Variants in TMCC1 observed in about 807,000 individuals in gnomAD.
TMCC1 encodes transmembrane and coiled-coil domains protein 1.
Under a neutral mutation model 52.4 loss-of-function variants are expected in TMCC1, and 15 were observed. The ratio of observed to expected loss-of-function variants is 0.29; its 90% CI spans 0.19 to 0.44. TMCC1 has a LOEUF of 0.44. Ranked by LOEUF, TMCC1 falls within the 20% of genes least tolerant of loss-of-function variation. TMCC1 has a pLI of 1.00. For missense variants in TMCC1, 503 were observed against 806.0 expected (o/e 0.62, Z 4.55); for synonymous variants, 279 against 301.9 (o/e 0.92, Z 0.79).
rs370431347 is a variant in TMCC1 at position 129,875,490 on chromosome 3, C to CAAAA, written c.-184+4815_-184+4818dup. Among the ~76,000 whole-genome samples the CAAAA allele has an allele frequency of 4.0e-4, 7 of 17,324 alleles. 1 individual carries two copies. The highest frequency in any genetic ancestry group is 8.1e-4 in the African/African-American group (5 of 6,208). 11.4% of individuals were successfully genotyped at this position (17,324 alleles called of 152,430 possible). ...TAGGGGACAGAGGAGGACTCCATCTCAAAAAAAAAAAAAAAAAAAAAAAAA... is the reference window on the plus strand; with the variant it reads ...TAGGGGACAGAGGAGGACTCCATCTCAAAAAAAAAAAAAAAAAAAAAAAAAAAAA... On this transcript the variant is annotated intron_variant, in intron 2 of 6. Coordinates refer to ENST00000393238, the MANE Select transcript of TMCC1 (RefSeq NM_001017395.5).
intron 2 of TMCC1, among the ~76,000 whole-genome samples, chr3:129,867,553 G>C (rs981243632): frequency 6.6e-6 from 1 of 152,112 alleles, no homozygotes; most frequent in African/African-American, 2.4e-5. Flanking sequence ...TTCAGTGATA[G>C]GTTTAAATCT....
chr3:129,834,609 A>G (rs145940507), intron 2 of TMCC1, among the ~76,000 whole-genome samples: 184 of 152,330 alleles, frequency 1.2e-3, no homozygotes, highest in African/African-American at 3.8e-3. Flanking sequence ...TGTAAGATGC[A>G]TGAGAGGAGG....
intron 4 of TMCC1, among the ~76,000 whole-genome samples, chr3:129,730,551 A>G (rs2050458932): frequency 6.6e-6 from 1 of 152,198 alleles, no homozygotes; most frequent in African/African-American, 2.4e-5. Flanking sequence ...CATCTTGGTT[A>G]CTGTAGCTTT....
At chr3:129,705,605 C>CTTT (rs1277305226) in intron 4 of TMCC1, among the ~76,000 whole-genome samples, 4 of 138,834 alleles carry the variant, frequency 2.9e-5, no homozygotes, top group Non-Finnish European at 4.7e-5. Context: ...ATTTGAAACA[C>CTTT]TTTTTTTTTT....
chr3:129,862,409 G>A (rs1347156369), intron 2 of TMCC1, among the ~76,000 whole-genome samples: 1 of 152,178 alleles, frequency 6.6e-6, no homozygotes, highest in East Asian at 1.9e-4. Context: ...AATGTTAATA[G>A]GAGAAATGGG....
At chr3:129,712,896 A>T (rs1050483538) in intron 4 of TMCC1, among the ~76,000 whole-genome samples, 10 of 152,162 alleles carry the variant, frequency 6.6e-5, no homozygotes, top group Non-Finnish European at 1.2e-4. Context: ...TTAACTGAAC[A>T]TATCTAATTG....
At chr3:129,661,583 T>C (rs1056890445) in intron 5 of TMCC1, among the ~76,000 whole-genome samples, 1 of 152,190 alleles carries the variant, frequency 6.6e-6, no homozygotes, top group Non-Finnish European at 1.5e-5. Flanking sequence ...GCAAATTGCT[T>C]GACCCCAGGA....
chr3:129,652,594 T>A (rs1225939343), intron 6 of TMCC1, among the ~76,000 whole-genome samples: 5 of 152,142 alleles, frequency 3.3e-5, no homozygotes, highest in African/African-American at 1.2e-4. Flanking sequence ...AACCATAAAA[T>A]CTCATCAGTT....
At chr3:129,749,530 T>C (rs2052308328) in intron 4 of TMCC1, among the ~76,000 whole-genome samples, 1 of 152,168 alleles carries the variant, frequency 6.6e-6, no homozygotes, top group Non-Finnish European at 1.5e-5. Flanking sequence ...CTTCATTTGT[T>C]TCAGAGAAGT....
At chr3:129,849,843 T>C (rs1232485801) in intron 2 of TMCC1, among the ~76,000 whole-genome samples, 3 of 152,024 alleles carry the variant, frequency 2.0e-5, no homozygotes, top group African/African-American at 7.2e-5. Context: ...TATATATGTA[T>C]GTGTGTGCAT....
At chr3:129,659,216 C>CA (rs1471360106) in intron 5 of TMCC1, among the ~76,000 whole-genome samples, 1 of 151,382 alleles carries the variant, frequency 6.6e-6, no homozygotes. Context: ...CCTCCCACCT[C>CA]AGCCTTCTGA....
At chr3:129,825,355 A>G (rs138577593) in intron 4 of TMCC1, among the ~76,000 whole-genome samples, 1 of 152,328 alleles carries the variant, frequency 6.6e-6, no homozygotes, top group Non-Finnish European at 1.5e-5. Context: ...GCCTATAAGT[A>G]ATCCAAAAAG....
chr3:129,811,949 A>T lies in TMCC1; in HGVS notation c.576+15854T>A, dbSNP rs544305950. Among the ~76,000 whole-genome samples the T allele has an allele frequency of 2.4e-4, 28 of 117,152 alleles. No individual in the cohort carries two copies. The South Asian group carries it at 7.5e-3, about 31-fold the overall frequency. The allele number at this position is 117,152 out of a possible 152,430, so 76.9% of individuals were successfully genotyped here. A position where few individuals can be genotyped will look rare whatever the true frequency, so the allele number is the denominator to read the frequency against. The stretch of plus-strand genomic sequence containing the variant: ...ACAGAGCAAGACTCTGCCTCAATTT[A>T]AAAAAAAAAAAAAGAAAGAAAGAAA... On this transcript the variant is annotated intron_variant, in intron 4 of 6. Transcript: ENST00000393238.
intron 4 of TMCC1, among the ~76,000 whole-genome samples, chr3:129,798,939 A>C (rs1164508856): frequency 6.6e-6 from 1 of 152,344 alleles, no homozygotes; most frequent in Non-Finnish European, 1.5e-5. Context: ...GCAATCCCAC[A>C]ATAAATAACA....
At chr3:129,684,201 C>G (rs538423978) in intron 4 of TMCC1, among the ~76,000 whole-genome samples, 1 of 152,268 alleles carries the variant, frequency 6.6e-6, no homozygotes. Flanking sequence ...CCTAAAAGGG[C>G]TAATAAATCA....
intron 4 of TMCC1, among the ~76,000 whole-genome samples, chr3:129,751,132 T>A (rs1455526321): frequency 2.0e-5 from 3 of 151,846 alleles, no homozygotes; most frequent in Non-Finnish European, 4.4e-5. Context: ...ACCCAGGAGG[T>A]GCAGGTTGCA....
chr3:129,834,829 T>C (rs1378944834), intron 2 of TMCC1, among the ~76,000 whole-genome samples: 4 of 152,188 alleles, frequency 2.6e-5, no homozygotes, highest in Admixed American at 1.3e-4. Flanking sequence ...TATTTATAGT[T>C]CTCAGCTGGA....
chr3:129,795,888 T>C (rs1388533952), intron 4 of TMCC1, among the ~76,000 whole-genome samples: 2 of 152,226 alleles, frequency 1.3e-5, no homozygotes, highest in Non-Finnish European at 2.9e-5. Flanking sequence ...TAATGTTGTA[T>C]TCAAATAACC....
intron 4 of TMCC1, among the ~76,000 whole-genome samples, chr3:129,685,577 T>C (rs1050063001): frequency 6.6e-6 from 1 of 152,136 alleles, no homozygotes; most frequent in Non-Finnish European, 1.5e-5. Context: ...AGCACCTTCA[T>C]GATAACTGAA....
Sources: gnomAD v4.1 joint callset for allele counts (sites outside exome capture counted in the v4.1 genomes callset) on GRCh38, gnomAD v4.1.1 for gene constraint, MANE v1.5 for transcripts, NCBI Gene and HGNC (gene_info 2026-07-23, HGNC 2026-07-21) for gene names.